Variants in ING5 observed in about 807,000 individuals in gnomAD.
ING5 encodes inhibitor of growth family member 5.
Under a neutral mutation model 37.4 loss-of-function variants are expected in ING5, and 17 were observed. That is an observed-to-expected ratio of 0.45 (90% confidence interval 0.31 to 0.68). ING5 has a LOEUF of 0.68. ING5 is among the 30% of genes least tolerant of loss of function. The pLI is 0.05. For missense variants in ING5, 233 were observed against 311.9 expected, an observed-to-expected ratio of 0.75 and a Z score of 1.91; for synonymous variants, 123 against 116.6, an observed-to-expected ratio of 1.06 and a Z score of -0.36.
chr2:241,700,147 TAA>T (rs1304256844), upstream of ING5, among the ~76,000 whole-genome samples: 1 of 131,900 alleles, frequency 7.6e-6, no homozygotes, highest in Non-Finnish European at 1.6e-5. Context: ...TATGCCCGGC[TAA>T]GTTTTTTTTT....
intron 1 of ING5, 129 bp downstream of exon 1, chr2:241,702,231 C>CG (rs2069756133): frequency 8.3e-6 from 2 of 241,486 alleles, no homozygotes; most frequent in Non-Finnish European, 1.3e-5. Context: ...CCGGGCGCGA[C>CG]GGGGGGCGCG....
At chr2:241,690,762 G>C (rs2069539310) in intron 2 of ING5, 1 of 396,986 alleles carries the variant, frequency 2.5e-6, no homozygotes, top group Non-Finnish European at 4.4e-6. Context: ...AAAGATGCAG[G>C]TGAACACATG....
upstream of ING5, among the ~76,000 whole-genome samples, chr2:241,701,550 G>C (rs942875907): frequency 7.9e-5 from 12 of 151,900 alleles, no homozygotes; most frequent in Non-Finnish European, 1.2e-4. Flanking sequence ...GGCTCAGGCC[G>C]GGCTGAGGCC....
intron 5 of ING5, chr2:241,721,636 C>T (rs2070439441): frequency 1.0e-6 from 1 of 985,452 alleles, no homozygotes; most frequent in Non-Finnish European, 1.2e-6. Flanking sequence ...GGCCACGTTC[C>T]TCCTGCTAAC....
intron 5 of ING5, chr2:241,720,673 G>T (rs530854055): frequency 4.1e-6 from 4 of 985,582 alleles, no homozygotes; most frequent in African/African-American, 1.7e-5. Flanking sequence ...GGAAGGGCTC[G>T]CTGGCACCGT....
intron 2 of ING5, among the ~76,000 whole-genome samples, chr2:241,696,965 C>G (rs947298938): frequency 1.3e-5 from 2 of 151,930 alleles, no homozygotes; most frequent in Non-Finnish European, 1.5e-5. Context: ...ACCTGTAATC[C>G]CAGCTGCTTG....
Position 241,722,990 on chromosome 2 carries a change from C to T in ING5, c.534C>T (p.Asp178=). The T allele has an allele frequency of 6.2e-7, 1 of 1,614,206 alleles. No individual in the cohort carries two copies. Among genetic ancestry groups the T allele is most frequent in the Non-Finnish European group, 8.5e-7 (1 of 1,180,044 alleles). ...ILSVHPSDVL[D]MPVDPNEPTY... ...CCGTGCACCCCTCTGATGTGCTGGA[C>T]ATGCCCGTGGACCCAAACGAACCCA... The change falls in exon 6 of 8, where the codon GAC becomes GAT. Residue 178 remains aspartate (D), a synonymous_variant. Coordinates refer to ENST00000313552, the MANE Select transcript of ING5 (RefSeq NM_032329.6).
At chr2:241,721,820 C>G (rs1214864681) in intron 5 of ING5, 2 of 985,400 alleles carry the variant, frequency 2.0e-6, no homozygotes, top group African/African-American at 3.5e-5. Flanking sequence ...GCATCCCTTT[C>G]AAACAGGAAA....
chr2:241,722,293 T>C, intron 5 of ING5: 1 of 985,266 alleles, frequency 1.0e-6, no homozygotes, highest in Non-Finnish European at 1.2e-6. Context: ...CCGGGGTCTT[T>C]GGAGGGATGG....
At chr2:241,719,402 G>T in intron 5 of ING5, 1 of 755,696 alleles carries the variant, frequency 1.3e-6, no homozygotes, top group Middle Eastern at 2.3e-4. Flanking sequence ...AGGTCATCTA[G>T]CTCTTGTTGC....
In ING5 at chr2:241,728,549, G is replaced by C. The variant is rs1399005417; in HGVS notation, c.*3518G>C. On this transcript the variant is annotated 3_prime_UTR_variant, in exon 8 of 8. Coordinates refer to ENST00000313552, the MANE Select transcript of ING5 (RefSeq NM_032329.6). ...GAGGAAATCCTGTAGGGGAAGGCAG[G>C]CTGCAGTGAAAACAGGAGCTGGTGA... 6.5e-6 allele frequency: 1 copy of C among 152,702 alleles called. No individual in the cohort carries two copies. Among genetic ancestry groups the C allele is most frequent in the African/African-American group, 2.4e-5 (1 of 41,464 alleles). The allele number at this position is 152,702 out of a possible 1,614,324, so 9.5% of individuals were successfully genotyped here.
rs562150760 is a variant in ING5, at chr2:241,711,715, A to G, written c.388+227A>G. ...TAGGAGTTTGAGACCAACCTGGGCA[A>G]CATAGCGAGACCTCATCTCAACAAA... is the stretch of plus-strand genomic sequence containing the variant. On this transcript the variant is annotated intron_variant, in intron 4 of 7. Transcript: ENST00000313552. The G allele has an allele frequency of 4.2e-5, 24 of 571,246 alleles. No homozygotes were observed. In the East Asian group the frequency reaches 7.1e-4, roughly 17 times the overall value. 35.4% of individuals were successfully genotyped at this position (571,246 alleles called of 1,614,324 possible). A position where few individuals can be genotyped will look rare whatever the true frequency, so the allele number is the denominator to read the frequency against.
intron 5 of ING5, chr2:241,721,728 G>A (rs995650223): frequency 3.0e-6 from 3 of 985,320 alleles, no homozygotes; most frequent in Non-Finnish European, 3.6e-6. Context: ...GTACTAATGG[G>A]AATACACTGT....
Position 241,704,740 on chromosome 2 carries a change from TC to T in ING5, c.109+18del. The T allele has an allele frequency of 6.2e-7, 1 of 1,606,784 alleles. No homozygotes were observed. Among genetic ancestry groups the T allele is most frequent in the Non-Finnish European group, 8.5e-7 (1 of 1,173,368 alleles). The stretch of plus-strand genomic sequence containing the variant: ...AGGACGGAAGGTGGGTTCAGACCTC[TC>T]CATACAACCAGAACTGAGTTCTGAC... On this transcript the variant is annotated intron_variant, in intron 2 of 7. Coordinates refer to ENST00000313552, the MANE Select transcript of ING5 (RefSeq NM_032329.6).
rs937664592 is a variant in ING5 at position 241,702,120 on chromosome 2, G to T, written c.37+18G>T. Reference sequence around the variant, plus strand: ...TCTGGACAGTAAGCGCGCCCCACGGGCCCCGCGCCCGCCGCCCACGCGGAG... The same window carrying T: ...TCTGGACAGTAAGCGCGCCCCACGGTCCCCGCGCCCGCCGCCCACGCGGAG... On this transcript the variant is annotated intron_variant, in intron 1 of 7. Coordinates refer to ENST00000313552, the MANE Select transcript of ING5 (RefSeq NM_032329.6). 3 of 1,299,318 alleles carry T rather than the reference G, an allele frequency of 2.3e-6. No individual in the cohort carries two copies. Among genetic ancestry groups the T allele is most frequent in the Admixed American group, 3.5e-5 (1 of 28,382 alleles). 80.5% of individuals were successfully genotyped at this position (1,299,318 alleles called of 1,614,324 possible). A position where few individuals can be genotyped will look rare whatever the true frequency, so the allele number is the denominator to read the frequency against.
chr2:241,713,367 G>GTTT (rs1166786436), intron 5 of ING5, among the ~76,000 whole-genome samples: 46 of 102,310 alleles, frequency 4.5e-4, no homozygotes, highest in African/African-American at 5.2e-4. Flanking sequence ...CCAATTTTCA[G>GTTT]TTTTTTTTTT....
At chr2:241,700,756 G>A (rs1212807654), upstream of ING5, among the ~76,000 whole-genome samples, 1 of 151,976 alleles carries the variant, frequency 6.6e-6, no homozygotes, top group African/African-American at 2.4e-5. Flanking sequence ...TCTCCGAGTA[G>A]CTGGGAGTAC....
chr2:241,719,853 G>T, intron 5 of ING5: 6 of 1,402,448 alleles, frequency 4.3e-6, no homozygotes, highest in Non-Finnish European at 5.5e-6. Flanking sequence ...GCTCAGCGCT[G>T]CCTGCCGTGC....
intron 7 of ING5, 118 bp downstream of exon 7, chr2:241,723,389 C>A: frequency 9.0e-7 from 1 of 1,111,366 alleles, no homozygotes; most frequent in South Asian, 1.3e-5. Flanking sequence ...GACACGGTAG[C>A]CACGTAGGCA....
Sources: gnomAD v4.1 joint callset for allele counts (sites outside exome capture counted in the v4.1 genomes callset) on GRCh38, gnomAD v4.1.1 for gene constraint, MANE v1.5 for transcripts, NCBI Gene and HGNC (gene_info 2026-07-23, HGNC 2026-07-21) for gene names.